The following ACVRL1 variants were observed in gnomAD, a reference collection of about 807,000 sequenced individuals.
The protein encoded by ACVRL1 is activin receptor type-1-like.
ACVRL1 carries 20 observed loss-of-function variants against 51.9 expected under a neutral mutation model. The ratio of observed to expected loss-of-function variants is 0.39; its 90% CI spans 0.27 to 0.56. The LOEUF (loss-of-function observed/expected upper bound fraction) is 0.56, where lower values mean the gene tolerates loss of function less well. Ranked by LOEUF, ACVRL1 falls within the 20% of genes least tolerant of loss-of-function variation. The probability of loss-of-function intolerance (pLI) is 0.67; values close to 1 mark genes in which losing one functional copy is unlikely to be tolerated. For synonymous variants in ACVRL1, 288 were observed against 280.9 expected (o/e 1.03, Z -0.25); for missense variants, 451 against 670.3 (o/e 0.67, Z 3.61).
Position 51,915,286 on chromosome 12 carries a change from C to G in ACVRL1, c.834C>G (p.His278Gln), listed in dbSNP as rs1036387802. 1.2e-6 allele frequency: 2 copies of G among 1,614,098 alleles called. No homozygotes were observed. The highest frequency in any genetic ancestry group is 1.7e-6 in the Non-Finnish European group (2 of 1,180,062). ...GCACGCAGCTGTGGCTCATCACGCACTACCACGAGCACGGCTCCCTCTACG... is the reference window on the plus strand; with the variant it reads ...GCACGCAGCTGTGGCTCATCACGCAGTACCACGAGCACGGCTCCCTCTACG... ...NSSTQLWLITHYHEHGSLYDF... is the reference protein window; with the variant it reads ...NSSTQLWLITQYHEHGSLYDF... The change falls in exon 7 of 10, where the codon CAC becomes CAG. Residue 278 changes from histidine (H) to glutamine (Q), a missense_variant. Physicochemically the swap from His to Gln is conservative, Grantham distance 24 (BLOSUM62 0). This residue lies in a region of ACVRL1 where 259 missense variants were observed against 453.4 expected (regional missense o/e 0.57). Transcript: ENST00000388922.
At position 51,914,366 on chromosome 12, in the gene ACVRL1, C is replaced by T. The variant is rs995804815; in HGVS notation, c.626-73C>T. 3.7e-6 allele frequency: 6 copies of T among 1,603,548 alleles called. No homozygotes were observed. The African/African-American group carries it at 8.0e-5, about 21-fold the overall frequency. On this transcript the variant is annotated intron_variant, in intron 5 of 9. Coordinates refer to ENST00000388922, the MANE Select transcript of ACVRL1 (RefSeq NM_000020.3). ...GGGGTGGGCGAGGGAGGCAGCGCAG[C>T]ATCAAGATGGGGGGCTCTTCCAGGG...
intron 8 of ACVRL1, among the ~76,000 whole-genome samples, chr12:51,918,055 C>T (rs1405181323): frequency 6.6e-6 from 1 of 152,226 alleles, no homozygotes; most frequent in African/African-American, 2.4e-5. Flanking sequence ...GAGGTTGCGG[C>T]CTGTGTGGCC....
intron 1 of ACVRL1, 85 bp from the exon 2 acceptor site, chr12:51,912,385 G>T (rs1173653893): frequency 6.7e-7 from 1 of 1,485,758 alleles, no homozygotes; most frequent in Non-Finnish European, 9.4e-7. Flanking sequence ...AAAACTCTGT[G>T]ATTTCCTCTG....
rs1592225904 is a variant in ACVRL1 at position 51,917,434 on chromosome 12, C to T, written c.1246+1201C>T. On this transcript the variant is annotated intron_variant, in intron 8 of 9. Transcript: ENST00000388922. The surrounding 1 kb of genome is among the most constrained non-coding windows in gnomAD (Gnocchi z 4.2). ...GATGTTCTCTCAGCCCTGGAGTGGA[C>T]GGAGGATAGGTGGGTCGTCTAGACT... Among the ~76,000 whole-genome samples the T allele has an allele frequency of 6.6e-6, 1 of 152,140 alleles. No homozygotes were observed. The highest frequency in any genetic ancestry group is 2.4e-5 in the African/African-American group (1 of 41,434).
chr12:51,920,939 T>TGGTGGGGGGGGGGGGGGGGGGGGGGGGG lies in ACVRL1; in HGVS notation c.*48_*49insTGGGGGGGGGGGGGGGGGGGGGGGGGGG. The TGGTGGGGGGGGGGGGGGGGGGGGGGGGG allele has an allele frequency of 3.8e-6, 1 of 262,670 alleles. No homozygotes were observed. The highest frequency in any genetic ancestry group is 7.6e-6 in the Non-Finnish European group (1 of 131,930). 16.3% of individuals were successfully genotyped at this position (262,670 alleles called of 1,614,324 possible). ...TTCTGCCTGCAGGGGGCTGGGGGGG[T>TGGTGGGGGGGGGGGGGGGGGGGGGGGGG]GGGGGGCAGTGGATGGTGCCCTATC... On this transcript the variant is annotated 3_prime_UTR_variant, in exon 10 of 10. Transcript: ENST00000388922.
chr12:51,913,070 A>C, intron 2 of ACVRL1, 29 bp from the exon 3 acceptor site: 1 of 1,594,808 alleles, frequency 6.3e-7, no homozygotes, highest in Non-Finnish European at 8.5e-7. Context: ...CTGGGACCAC[A>C]GTGGCTGAGC....
chr12:51,907,851 G>A lies in ACVRL1; in HGVS notation c.-6+156G>A, dbSNP rs1228824868. 6.6e-6 allele frequency among the ~76,000 whole-genome samples: 1 copy of A among 152,234 alleles called. No individual in the cohort carries two copies. Among genetic ancestry groups the A allele is most frequent in the African/African-American group, 2.4e-5 (1 of 41,464 alleles). Reference sequence around the variant, plus strand: ...AGGCAAGCTGCTCCTGGCTGACCACGCACAGCTCCCATGACCCTACCTGAG... The same window carrying A: ...AGGCAAGCTGCTCCTGGCTGACCACACACAGCTCCCATGACCCTACCTGAG... On this transcript the variant is annotated intron_variant, in intron 1 of 9. Transcript: ENST00000388922. The surrounding 1 kb of genome is among the most constrained non-coding windows in gnomAD (Gnocchi z 4.5).
At chr12:51,912,232 A>G (rs546318312) in intron 1 of ACVRL1, 1 of 615,480 alleles carries the variant, frequency 1.6e-6, no homozygotes, top group East Asian at 2.7e-5. Context: ...CCAAGCTCTC[A>G]GTCACTTAAA....
chr12:51,915,173 C>T, intron 6 of ACVRL1, 52 bp from the exon 7 acceptor site: 2 of 1,610,660 alleles, frequency 1.2e-6, no homozygotes, highest in Non-Finnish European at 1.7e-6. Context: ...ACGACTCCAG[C>T]CTCCCTTAGC....
In ACVRL1 at chr12:51,916,052, C is replaced by G; in HGVS notation, c.1065C>G (p.His355Gln). ...CCCCCACAGGCCTGGCTGTGATGCA[C>G]TCACAGGGCAGCGATTACCTGGACA... ...CIADLGLAVM[H>Q]SQGSDYLDIG... The change falls in exon 8 of 10, where the codon CAC becomes CAG. Residue 355 changes from histidine to glutamine, a missense_variant. This residue lies in a region of ACVRL1 where 259 missense variants were observed against 453.4 expected (regional missense o/e 0.57). Coordinates refer to ENST00000388922, the MANE Select transcript of ACVRL1 (RefSeq NM_000020.3). 6.2e-7 allele frequency: 1 copy of G among 1,612,936 alleles called. No individual in the cohort carries two copies.
chr12:51,908,022 GA>G (rs1940629282), intron 1 of ACVRL1, among the ~76,000 whole-genome samples: 2 of 152,192 alleles, frequency 1.3e-5, no homozygotes, highest in Admixed American at 1.3e-4. Flanking sequence ...TACTCACATA[GA>G]AGGGATCACA....
intron 2 of ACVRL1, 44 bp downstream of exon 2, chr12:51,912,579 G>C (rs758998631): frequency 3.3e-6 from 5 of 1,520,698 alleles, no homozygotes; most frequent in Admixed American, 1.7e-5. Flanking sequence ...CCTGGATACA[G>C]AAAGGGCTAT....
At position 51,915,928 on chromosome 12, in the gene ACVRL1, A is replaced by G. The variant is rs1940826950; in HGVS notation, c.1049-108A>G. On this transcript the variant is annotated intron_variant, in intron 7 of 9. Transcript: ENST00000388922. ...CCAGCCCATCTCCGTGCACGTCTCC[A>G]TCTGCCTTCCCCTCTCTGTCCCACT... is the stretch of plus-strand genomic sequence containing the variant. The G allele has an allele frequency of 3.2e-6, 4 of 1,269,332 alleles. No individual in the cohort carries two copies. The South Asian group carries it at 4.2e-5, about 13-fold the overall frequency. The allele number at this position is 1,269,332 out of a possible 1,614,324, so 78.6% of individuals were successfully genotyped here.
At chr12:51,916,340 T>A in intron 8 of ACVRL1, 107 bp downstream of exon 8, 1 of 1,217,628 alleles carries the variant, frequency 8.2e-7, no homozygotes, top group Non-Finnish European at 1.1e-6. Flanking sequence ...CAGTCAGACC[T>A]CCTGGCACCC....
chr12:51,913,613 T>G lies in ACVRL1; in HGVS notation c.368T>G (p.Leu123Arg). Residue 123 changes from leucine to arginine, a missense_variant, in exon 4 of 10, where the codon CTG becomes CGG. Around this residue, in one of 2 missense-constraint regions of ACVRL1, gnomAD observed 192 missense variants for 216.9 expected, o/e 0.89. Transcript: ENST00000388922. ...ACAGATGGCCAGCTGGCCCTGATCC[T>G]GGGCCCCGTGCTGGCCTTGCTGGCC... ...PGTDGQLALI[L>R]GPVLALLALV... The G allele has an allele frequency of 6.2e-7, 1 of 1,602,584 alleles. No homozygotes were observed. The highest frequency in any genetic ancestry group is 1.1e-5 in the South Asian group (1 of 91,030).
In ACVRL1 at chr12:51,919,034, C is replaced by T; in HGVS notation, c.1296C>T (p.Asp432=). 1.2e-6 allele frequency: 2 copies of T among 1,614,148 alleles called. No homozygotes were observed. Among genetic ancestry groups the T allele is most frequent in the Non-Finnish European group, 1.7e-6 (2 of 1,180,024 alleles). The change falls in exon 9 of 10, where the codon GAC becomes GAT. Residue 432 remains aspartate (D), a synonymous_variant. Transcript: ENST00000388922. ...RPPFYDVVPN[D]PSFEDMKKVV... is the part of the protein sequence containing the mutation. Reference sequence around the variant, plus strand: ...CCTTCTATGATGTGGTGCCCAATGACCCCAGCTTTGAGGACATGAAGAAGG... The same window carrying T: ...CCTTCTATGATGTGGTGCCCAATGATCCCAGCTTTGAGGACATGAAGAAGG...
In ACVRL1 at chr12:51,912,545, G is replaced by T; in HGVS notation, c.61+10G>T. 6.2e-7 allele frequency: 1 copy of T among 1,605,378 alleles called. No homozygotes were observed. Among genetic ancestry groups the T allele is most frequent in the Admixed American group, 1.7e-5 (1 of 59,982 alleles). On this transcript the variant is annotated intron_variant, in intron 2 of 9. Transcript: ENST00000388922. ...GCCTTGGTGACCCAGGGTGAGTACT[G>T]GGGGAGCAGTTAGGAAACAGGAACC...
chr12:51,913,575 G>A lies in ACVRL1; in HGVS notation c.330G>A (p.Ser110=), dbSNP rs77341011. ...SLVLEATQPP[S]EQPGTDGQLA... ...CTCCCTCAGCCACCCAACCTCCTTC[G>A]GAGCAGCCGGGAACAGATGGCCAGC... The change falls in exon 4 of 10, where the codon TCG becomes TCA. Residue 110 remains serine, a synonymous_variant. Transcript: ENST00000388922. 4.5e-3 allele frequency: 7,182 copies of A among 1,598,474 alleles called. 92 individuals are homozygous for A. The highest frequency in any genetic ancestry group is 0.04 in the African/African-American group (3,025 of 74,990).
intron 8 of ACVRL1, among the ~76,000 whole-genome samples, chr12:51,918,317 C>A (rs1358759838): frequency 6.6e-6 from 1 of 152,198 alleles, no homozygotes; most frequent in Non-Finnish European, 1.5e-5. Context: ...AGACTGTGGG[C>A]TTAAATCCTA....
Sources: gnomAD v4.1 joint callset for allele counts (sites outside exome capture counted in the v4.1 genomes callset) on GRCh38, gnomAD v4.1.1 for gene constraint, gnomAD v4.1.1 regional missense constraint, Gnocchi (gnomAD v3.1) non-coding constraint, MANE v1.5 for transcripts, NCBI Gene and HGNC (gene_info 2026-07-23, HGNC 2026-07-21) for gene names.